The following AMPD1 variants were observed in gnomAD, a reference collection of about 807,000 sequenced individuals.
AMPD1 encodes AMP deaminase 1.
In AMPD1, 74 loss-of-function variants were observed where a neutral mutation model predicts 82.9. The observed-to-expected ratio is 0.89, with a 90% confidence interval of 0.74 to 1.08. AMPD1 has a LOEUF of 1.08. AMPD1 is among the 50% of genes least tolerant of loss of function. The pLI is 0.00. For missense variants in AMPD1, 881 were observed against 924.5 expected, an observed-to-expected ratio of 0.95 and a Z score of 0.61; for synonymous variants, 333 against 320.5, an observed-to-expected ratio of 1.04 and a Z score of -0.42.
intron 6 of AMPD1, 56 bp from the exon 7 acceptor site, chr1:114,679,764 G>T: frequency 6.3e-7 from 1 of 1,590,794 alleles, no homozygotes; most frequent in Non-Finnish European, 8.6e-7. Context: ...AAGAAAAACA[G>T]TCACAATTTC....
chr1:114,678,664 G>A (rs1369878676), intron 7 of AMPD1, 137 bp from the exon 8 acceptor site: 13 of 841,408 alleles, frequency 1.5e-5, no homozygotes, highest in Non-Finnish European at 2.1e-5. Context: ...AGTTGGTGGA[G>A]GTGGTCCAGC....
chr1:114,688,652 C>T lies in AMPD1; in HGVS notation c.124G>A (p.Asp42Asn), dbSNP rs753932146. Residue 42 changes from aspartate to asparagine, a missense_variant, in exon 3 of 16, where the codon GAT (aspartate) becomes AAT (asparagine). Around this residue, in one of 2 missense-constraint regions of AMPD1, gnomAD observed 783 missense variants for 786.4 expected, o/e 1.00. Transcript: ENST00000520113. ...EGGRQEISPF[D>N]VDEICPISHH... ...GAAATCGGACAGATCTCATCCACAT[C>T]AAAGGGGGAAATCTCCTGACGACCT... is the stretch of plus-strand genomic sequence containing the variant. The T allele has an allele frequency of 1.9e-5, 31 of 1,614,028 alleles. No individual in the cohort carries two copies. In the Middle Eastern group the frequency reaches 8.2e-4, roughly 43 times the overall value.
intron 7 of AMPD1, among the ~76,000 whole-genome samples, chr1:114,679,144 A>G (rs2101715462): frequency 6.6e-6 from 1 of 152,304 alleles, no homozygotes; most frequent in Admixed American, 6.5e-5. Flanking sequence ...CTCATTTGAT[A>G]TTCACAATCC....
At chr1:114,674,329 C>G (rs1471319639) in intron 13 of AMPD1, among the ~76,000 whole-genome samples, 1 of 152,048 alleles carries the variant, frequency 6.6e-6, no homozygotes, top group African/African-American at 2.4e-5. Flanking sequence ...TCTATAATGG[C>G]CTACGTTAGA....
intron 3 of AMPD1, among the ~76,000 whole-genome samples, chr1:114,687,812 G>A (rs541531654): frequency 6.6e-6 from 1 of 152,256 alleles, no homozygotes; most frequent in South Asian, 2.1e-4. Flanking sequence ...AGGCCAGGAG[G>A]TGGTCAGACT....
intron 5 of AMPD1, among the ~76,000 whole-genome samples, chr1:114,682,982 GTACCTTTT>G (rs1319132731): frequency 6.6e-6 from 1 of 152,122 alleles, no homozygotes; most frequent in Admixed American, 6.5e-5. Flanking sequence ...GATGCTTATT[GTACCTTTT>G]TTAGAAACAA....
At position 114,673,133 on chromosome 1, in the gene AMPD1, C is replaced by A. The variant is rs761009163; in HGVS notation, c.2225G>T (p.Gly742Val). 1.9e-6 allele frequency: 3 copies of A among 1,613,774 alleles called. No individual in the cohort carries two copies. The highest frequency in any genetic ancestry group is 2.5e-6 in the Non-Finnish European group (3 of 1,179,918). ...WCYELNLIAE[G>V]LKSTE ...TTTTTTTTATTCTGTTGATTTAAGA[C>A]CCTCAGCAATTAAATTGAGTTCATA... The change falls in exon 16 of 16, where the codon GGT becomes GTT. Residue 742 changes from glycine to valine, a missense_variant. Transcript: ENST00000520113.
At chr1:114,694,795 G>C (rs1441937753) in intron 1 of AMPD1, among the ~76,000 whole-genome samples, 1 of 152,158 alleles carries the variant, frequency 6.6e-6, no homozygotes, top group Non-Finnish European at 1.5e-5. Context: ...AGTGAATCGT[G>C]ATCGTGCCAC....
chr1:114,684,609 G>A (rs2101720621), intron 4 of AMPD1: 2 of 562,974 alleles, frequency 3.6e-6, no homozygotes, highest in South Asian at 4.2e-5. Flanking sequence ...TTCCCTTGTA[G>A]TCCTGTATTT....
intron 7 of AMPD1, 69 bp downstream of exon 7, chr1:114,679,510 T>C (rs1366856212): frequency 2.5e-6 from 4 of 1,582,266 alleles, no homozygotes; most frequent in African/African-American, 1.3e-5. Flanking sequence ...CACTCTTTTC[T>C]TGTGCTTCTC....
chr1:114,693,353 G>T, intron 2 of AMPD1, 83 bp downstream of exon 2: 1 of 1,346,166 alleles, frequency 7.4e-7, no homozygotes, highest in Non-Finnish European at 1.1e-6. Context: ...CTGAAAAATA[G>T]CCATGTTTCT....
In AMPD1 at chr1:114,686,919, G is replaced by A. The variant is rs570832252; in HGVS notation, c.216-9C>T. 158 of 1,614,078 alleles carry A rather than the reference G, an allele frequency of 9.8e-5. No individual in the cohort carries two copies. The African/African-American group carries it at 1.5e-3, about 15-fold the overall frequency. On this transcript the variant is annotated splice_polypyrimidine_tract_variant and intron_variant, in intron 3 of 15. Transcript: ENST00000520113. ...CTTGGAAACGCTTTTTTCTGGGTTCGAAATTTAAAAGTAAGAGTTAATTTT... is the reference window on the plus strand; with the variant it reads ...CTTGGAAACGCTTTTTTCTGGGTTCAAAATTTAAAAGTAAGAGTTAATTTT...
At chr1:114,694,395 CA>C (rs1557976389) in intron 1 of AMPD1, among the ~76,000 whole-genome samples, 2 of 151,104 alleles carry the variant, frequency 1.3e-5, no homozygotes, top group African/African-American at 4.9e-5. Context: ...ATTATCCTGC[CA>C]AAAGCAGGAT....
chr1:114,683,816 A>G (rs1235290377), intron 5 of AMPD1, among the ~76,000 whole-genome samples: 1 of 152,206 alleles, frequency 6.6e-6, no homozygotes, highest in Non-Finnish European at 1.5e-5. Context: ...TTTGCTTTGT[A>G]GGTAGCAAGG....
chr1:114,690,096 T>C (rs527820403), intron 2 of AMPD1, among the ~76,000 whole-genome samples: 1 of 152,192 alleles, frequency 6.6e-6, no homozygotes, highest in Non-Finnish European at 1.5e-5. Context: ...CAGCTATTAA[T>C]GTCTATACAG....
At chr1:114,687,325 C>A (rs1231435295) in intron 3 of AMPD1, among the ~76,000 whole-genome samples, 1 of 152,096 alleles carries the variant, frequency 6.6e-6, no homozygotes, top group African/African-American at 2.4e-5. Flanking sequence ...AAAATGACTA[C>A]CTTATAGGAT....
intron 5 of AMPD1, chr1:114,683,064 T>C (rs1199987377): frequency 5.0e-6 from 2 of 401,502 alleles, no homozygotes; most frequent in Non-Finnish European, 9.7e-6. Context: ...GTTCCAGTTA[T>C]ATAATAGAAA....
At chr1:114,675,083 G>A (rs1198763557) in intron 12 of AMPD1, 2 of 618,146 alleles carry the variant, frequency 3.2e-6, no homozygotes, top group Admixed American at 2.9e-5. Context: ...CAAATAAAGT[G>A]TTGATTGCCT....
In AMPD1 at chr1:114,688,585, A is replaced by G. The variant is rs771921467; in HGVS notation, c.191T>C (p.Leu64Pro). 3 of 1,614,194 alleles carry G rather than the reference A, an allele frequency of 1.9e-6. No homozygotes were observed. The highest frequency in any genetic ancestry group is 2.5e-6 in the Non-Finnish European group (3 of 1,180,030). Reference sequence around the variant, plus strand: ...CCTCCTGGCTTCTGTGGAGGTGGACAGAGTCTCCAGATGGAATATGTGTGC... The same window carrying G: ...CCTCCTGGCTTCTGTGGAGGTGGACGGAGTCTCCAGATGGAATATGTGTGC... ...MQAHIFHLETLSTSTEARRKK... is the reference protein window; with the variant it reads ...MQAHIFHLETPSTSTEARRKK... The change falls in exon 3 of 16, where the codon CTG (leucine) becomes CCG (proline). Residue 64 changes from leucine (L) to proline (P), a missense_variant. Physicochemically the swap from Leu to Pro is moderately conservative, Grantham distance 98. Around this residue, in one of 2 missense-constraint regions of AMPD1, gnomAD observed 783 missense variants for 786.4 expected, o/e 1.00. Transcript: ENST00000520113.
Sources: gnomAD v4.1 joint callset for allele counts (sites outside exome capture counted in the v4.1 genomes callset) on GRCh38, gnomAD v4.1.1 for gene constraint, gnomAD v4.1.1 regional missense constraint, MANE v1.5 for transcripts, NCBI Gene and HGNC (gene_info 2026-07-23, HGNC 2026-07-21) for gene names.